CCDC178: variants seen among roughly 807,000 people sequenced by gnomAD.
CCDC178 encodes coiled-coil domain-containing protein 178.
A neutral mutation model predicts 117.4 loss-of-function variants in CCDC178; 126 were observed. That is an observed-to-expected ratio of 1.07 (90% CI 0.93 to 1.24). The LOEUF is 1.24. Among genes scored for constraint, CCDC178 ranks in the 50% most tolerant of loss-of-function variants. The pLI is 0.00. For missense variants in CCDC178, 1,030 were observed against 986.9 expected (o/e 1.04, Z -0.59); for synonymous variants, 283 against 313.4 (o/e 0.90, Z 1.02).
chr18:33,411,044 G>A (rs950724199), intron 3 of CCDC178, among the ~76,000 whole-genome samples: 1 of 152,154 alleles, frequency 6.6e-6, no homozygotes, highest in African/African-American at 2.4e-5. Context: ...ATTAACCTGT[G>A]GCTTACTCCA....
chr18:32,968,021 T>A (rs2054851296), intron 22 of CCDC178, among the ~76,000 whole-genome samples: 1 of 151,820 alleles, frequency 6.6e-6, no homozygotes, highest in South Asian at 2.1e-4. Context: ...AAACCCCTCT[T>A]TTAGCTATTT....
chr18:33,180,930 A>T (rs191671654), intron 20 of CCDC178, among the ~76,000 whole-genome samples: 37 of 152,168 alleles, frequency 2.4e-4, no homozygotes, highest in Non-Finnish European at 4.3e-4. Flanking sequence ...GCGAGGTAGG[A>T]ACTCCATTCA....
At chr18:33,235,329 A>T (rs2059415486) in intron 15 of CCDC178, among the ~76,000 whole-genome samples, 1 of 152,054 alleles carries the variant, frequency 6.6e-6, no homozygotes, top group Non-Finnish European at 1.5e-5. Flanking sequence ...AGCTTAACTG[A>T]ATCTTTGTTG....
intron 20 of CCDC178, among the ~76,000 whole-genome samples, chr18:33,186,560 A>G (rs1284906367): frequency 1.3e-5 from 2 of 152,094 alleles, no homozygotes; most frequent in African/African-American, 4.8e-5. Flanking sequence ...GTTAAAGTCT[A>G]TGGAGCCATA....
At chr18:33,204,725 T>C (rs894345799) in intron 20 of CCDC178, among the ~76,000 whole-genome samples, 2 of 152,144 alleles carry the variant, frequency 1.3e-5, no homozygotes, top group Non-Finnish European at 2.9e-5. Context: ...TTAAAATCAC[T>C]GAAGTGGGAG....
At chr18:33,119,562 T>C (rs566184302) in intron 20 of CCDC178, among the ~76,000 whole-genome samples, 4 of 152,114 alleles carry the variant, frequency 2.6e-5, no homozygotes, top group Middle Eastern at 3.4e-3. Context: ...TGTGGAGAAA[T>C]AGGAACACTT....
chr18:33,380,808 T>G (rs545101928), intron 5 of CCDC178, among the ~76,000 whole-genome samples: 1 of 152,226 alleles, frequency 6.6e-6, no homozygotes, highest in African/African-American at 2.4e-5. Context: ...CAAGGCATGC[T>G]AAGAGCCTCT....
chr18:33,202,504 G>A (rs2059002804), intron 20 of CCDC178, among the ~76,000 whole-genome samples: 1 of 148,536 alleles, frequency 6.7e-6, no homozygotes, highest in Non-Finnish European at 1.5e-5. Flanking sequence ...TGCCAGCAAA[G>A]CTGTTACCAG....
intron 21 of CCDC178, among the ~76,000 whole-genome samples, chr18:33,081,747 A>C (rs2057301418): frequency 6.6e-6 from 1 of 152,194 alleles, no homozygotes; most frequent in Non-Finnish European, 1.5e-5. Flanking sequence ...TATATCTGAC[A>C]CAACCTCACA....
chr18:33,189,141 C>T (rs572311396), intron 20 of CCDC178, among the ~76,000 whole-genome samples: 3 of 152,160 alleles, frequency 2.0e-5, no homozygotes, highest in African/African-American at 7.2e-5. Flanking sequence ...AGTTAGTACT[C>T]CCATGACCTG....
At chr18:33,121,873 T>C (rs182902552) in intron 20 of CCDC178, among the ~76,000 whole-genome samples, 2 of 152,256 alleles carry the variant, frequency 1.3e-5, no homozygotes, top group Non-Finnish European at 2.9e-5. Context: ...GACTATAATG[T>C]CATATTTTTA....
rs76623425 is a variant in CCDC178, at chr18:33,009,435, G to A, written c.2389-34754C>T. Among the ~76,000 whole-genome samples, 1,481 of 151,964 alleles carry A rather than the reference G, an allele frequency of 9.7e-3. 25 individuals carry two copies. Among genetic ancestry groups the A allele is most frequent in the African/African-American group, 0.034 (1,420 of 41,452 alleles). On this transcript the variant is annotated intron_variant, in intron 21 of 22. Transcript: ENST00000383096. Reference sequence around the variant, plus strand: ...CCCTTTCTCTCTTTTACACTGGCCCGGTGTTACCTTTATTCTTATAGATAT... The same window carrying A: ...CCCTTTCTCTCTTTTACACTGGCCCAGTGTTACCTTTATTCTTATAGATAT...
At chr18:33,344,808 CA>C (rs2062866174) in intron 9 of CCDC178, among the ~76,000 whole-genome samples, 1 of 13,566 alleles carries the variant, frequency 7.4e-5, no homozygotes, top group East Asian at 1.3e-3. Flanking sequence ...CTAAAGCACA[CA>C]CACACACACA....
chr18:33,285,798 G>A (rs2060091612), intron 12 of CCDC178, among the ~76,000 whole-genome samples: 1 of 151,872 alleles, frequency 6.6e-6, no homozygotes. Context: ...AAAATCTTTA[G>A]CATGGTCATT....
intron 21 of CCDC178, among the ~76,000 whole-genome samples, chr18:33,029,412 T>C (rs2056291543): frequency 6.6e-6 from 1 of 151,968 alleles, no homozygotes; most frequent in Non-Finnish European, 1.5e-5. Context: ...TTATTGGTTA[T>C]AGTTAAAGTT....
chr18:33,134,314 C>T (rs2144267751), intron 20 of CCDC178, among the ~76,000 whole-genome samples: 1 of 151,958 alleles, frequency 6.6e-6, no homozygotes, highest in Non-Finnish European at 1.5e-5. Context: ...TAATTGAAAA[C>T]TACTTTATGA....
intron 22 of CCDC178, among the ~76,000 whole-genome samples, chr18:32,970,822 G>C (rs1207150204): frequency 1.3e-5 from 2 of 151,948 alleles, no homozygotes; most frequent in African/African-American, 4.8e-5. Flanking sequence ...AGGAGGACAA[G>C]CTACATGTAG....
intron 2 of CCDC178, among the ~76,000 whole-genome samples, chr18:33,414,336 T>G (rs1173944162): frequency 6.6e-6 from 1 of 152,076 alleles, no homozygotes; most frequent in Non-Finnish European, 1.5e-5. Flanking sequence ...AAAAAAAAAC[T>G]ATCTTGAATG....
intron 15 of CCDC178, among the ~76,000 whole-genome samples, chr18:33,229,003 G>T (rs1258324581): frequency 1.3e-5 from 2 of 152,056 alleles, no homozygotes; most frequent in Non-Finnish European, 2.9e-5. Context: ...CTGAGAGAGG[G>T]GATTTATTTG....
Sources: gnomAD v4.1 joint callset for allele counts (sites outside exome capture counted in the v4.1 genomes callset) on GRCh38, gnomAD v4.1.1 for gene constraint, MANE v1.5 for transcripts, NCBI Gene and HGNC (gene_info 2026-07-23, HGNC 2026-07-21) for gene names.